CARMIL1: variants seen among roughly 807,000 people sequenced by gnomAD.
CARMIL1 encodes F-actin-uncapping protein LRRC16A.
In CARMIL1, 90 loss-of-function variants were observed where a neutral mutation model predicts 177.1. The observed-to-expected ratio is 0.51, with a 90% CI of 0.43 to 0.61. The LOEUF (loss-of-function observed/expected upper bound fraction) is 0.61, where lower values mean the gene tolerates loss of function less well. Ranked by LOEUF, CARMIL1 falls within the 20% of genes least tolerant of loss-of-function variation. CARMIL1 has a pLI of 0.00. For missense variants in CARMIL1, 1,380 were observed against 1,667.0 expected, an observed-to-expected ratio of 0.83 and a Z score of 3.00; for synonymous variants, 577 against 606.2, an observed-to-expected ratio of 0.95 and a Z score of 0.71.
chr6:25,569,647 A>G (rs757546271), intron 29 of CARMIL1, among the ~76,000 whole-genome samples: 15 of 152,208 alleles, frequency 9.9e-5, no homozygotes, highest in Admixed American at 5.9e-4. Flanking sequence ...AATTTTTGTC[A>G]TCATTATAAA....
chr6:25,523,663 C>T (rs1035433132), intron 23 of CARMIL1, among the ~76,000 whole-genome samples: 17 of 152,144 alleles, frequency 1.1e-4, no homozygotes, highest in African/African-American at 3.6e-4. Flanking sequence ...CTCCCATCCT[C>T]ACAACAACAA....
intron 2 of CARMIL1, among the ~76,000 whole-genome samples, chr6:25,379,981 T>C (rs973895469): frequency 1.3e-5 from 2 of 149,398 alleles, no homozygotes; most frequent in African/African-American, 4.9e-5. Context: ...TTCCTTTTCT[T>C]ACCTCCATGG....
chr6:25,295,916 T>C (rs991083275), intron 2 of CARMIL1, among the ~76,000 whole-genome samples: 7 of 152,232 alleles, frequency 4.6e-5, no homozygotes, highest in African/African-American at 7.2e-5. Flanking sequence ...GTCGTGGGAC[T>C]TTCTTACCTT....
chr6:25,311,233 C>T (rs6921343), intron 2 of CARMIL1, among the ~76,000 whole-genome samples: 31,627 of 151,966 alleles, frequency 0.21, 4,240 homozygotes, highest in East Asian at 0.4. Flanking sequence ...CGCATAAGTA[C>T]CTTTAGTTTT....
intron 23 of CARMIL1, among the ~76,000 whole-genome samples, chr6:25,524,466 C>A (rs901831488): frequency 9.2e-5 from 14 of 152,156 alleles, no homozygotes; most frequent in Non-Finnish European, 2.1e-4. Context: ...TATACAGCTA[C>A]AACAAATACT....
intron 5 of CARMIL1, among the ~76,000 whole-genome samples, chr6:25,445,642 C>T (rs1798160845): frequency 6.6e-6 from 1 of 150,438 alleles, no homozygotes; most frequent in African/African-American, 2.4e-5. Context: ...TCATGCCATT[C>T]TCCTGTCTCA....
chr6:25,279,738 GC>G lies in CARMIL1; in HGVS notation c.-57del, dbSNP rs1780919946. ...AAAAAATTGAGGAGTTCGGGGAAGG[GC>G]AGGGGGCCATAAATCAGAGTTGGAC... On this transcript the variant is annotated 5_prime_UTR_variant, in exon 1 of 37. Transcript: ENST00000329474. 2.0e-5 allele frequency: 31 copies of G among 1,549,470 alleles called. No homozygotes were observed. The highest frequency in any genetic ancestry group is 2.7e-5 in the Non-Finnish European group (30 of 1,121,204).
At chr6:25,459,265 T>TCTTTCTTTCTTTTCTTTCTTTCTTTC (rs1562167771) in intron 8 of CARMIL1, among the ~76,000 whole-genome samples, 1 of 115,294 alleles carries the variant, frequency 8.7e-6, no homozygotes, top group Non-Finnish European at 1.9e-5. Flanking sequence ...TTTCTTTCTT[T>TCTTTCTTTCTTTTCTTTCTTTCTTTC]CTTTTTTTTT....
rs115173880 is a variant in CARMIL1, at chr6:25,390,749, G to A, written c.139-29365G>A. Reference sequence around the variant, plus strand: ...CTGTCAGCCCAGGCTGGAGTGCAGAGGTGTGATCTCGGCTCATTGTCACCT... The same window carrying A: ...CTGTCAGCCCAGGCTGGAGTGCAGAAGTGTGATCTCGGCTCATTGTCACCT... On this transcript the variant is annotated intron_variant, in intron 2 of 36. Coordinates refer to ENST00000329474, the MANE Select transcript of CARMIL1 (RefSeq NM_017640.6). Among the ~76,000 whole-genome samples, 347 of 152,228 alleles carry A rather than the reference G, an allele frequency of 2.3e-3. 2 individuals carry two copies. The highest frequency in any genetic ancestry group is 8.1e-3 in the African/African-American group (337 of 41,524).
chr6:25,304,767 G>A (rs1783135220), intron 2 of CARMIL1, among the ~76,000 whole-genome samples: 1 of 152,180 alleles, frequency 6.6e-6, no homozygotes, highest in Admixed American at 6.5e-5. Context: ...AATTTACAAT[G>A]TTCCCTGCTC....
chr6:25,507,419 ATTC>A (rs1252709425), intron 17 of CARMIL1: 3 of 152,412 alleles, frequency 2.0e-5, no homozygotes, highest in South Asian at 2.1e-4. Flanking sequence ...CTTCTTCTTT[ATTC>A]TTGTTCTGCA....
intron 29 of CARMIL1, among the ~76,000 whole-genome samples, chr6:25,562,115 A>G (rs887049651): frequency 7.9e-5 from 12 of 152,180 alleles, no homozygotes; most frequent in Admixed American, 5.2e-4. Flanking sequence ...AATGCCGGGA[A>G]TGCATGTCCC....
chr6:25,367,961 T>C (rs1790012114), intron 2 of CARMIL1, among the ~76,000 whole-genome samples: 1 of 152,212 alleles, frequency 6.6e-6, no homozygotes, highest in Admixed American at 6.5e-5. Context: ...GGTTTCCCCA[T>C]GTTGGCCAGG....
At chr6:25,378,912 T>C (rs1319571792) in intron 2 of CARMIL1, among the ~76,000 whole-genome samples, 1 of 151,110 alleles carries the variant, frequency 6.6e-6, no homozygotes, top group South Asian at 2.1e-4. Context: ...ACAGGTGTTA[T>C]TGGGTACCTT....
chr6:25,532,578 A>T (rs540843130), intron 24 of CARMIL1, among the ~76,000 whole-genome samples: 1 of 152,336 alleles, frequency 6.6e-6, no homozygotes, highest in South Asian at 2.1e-4. Flanking sequence ...CTCTGTGACT[A>T]ATGCCCTTGC....
intron 4 of CARMIL1, among the ~76,000 whole-genome samples, chr6:25,428,743 T>A (rs1487052639): frequency 6.6e-6 from 1 of 152,216 alleles, no homozygotes; most frequent in Non-Finnish European, 1.5e-5. Context: ...GTCTTACATA[T>A]GTCTAAATTC....
chr6:25,499,714 A>G (rs1804116528), intron 16 of CARMIL1, among the ~76,000 whole-genome samples: 1 of 152,222 alleles, frequency 6.6e-6, no homozygotes, highest in South Asian at 2.1e-4. Flanking sequence ...GTTATACTAC[A>G]GAGCCTGACT....
At chr6:25,315,439 G>A (rs1044684017) in intron 2 of CARMIL1, among the ~76,000 whole-genome samples, 3 of 152,296 alleles carry the variant, frequency 2.0e-5, no homozygotes, top group East Asian at 3.9e-4. Flanking sequence ...CTCTCTCTGC[G>A]GTCTACCCTA....
intron 2 of CARMIL1, among the ~76,000 whole-genome samples, chr6:25,288,708 G>A (rs192966412): frequency 1.8e-4 from 27 of 152,272 alleles, no homozygotes; most frequent in African/African-American, 6.5e-4. Context: ...AGTATCTGCT[G>A]CCTCCATTGA....
Sources: gnomAD v4.1 joint callset for allele counts (sites outside exome capture counted in the v4.1 genomes callset) on GRCh38, gnomAD v4.1.1 for gene constraint, MANE v1.5 for transcripts, NCBI Gene and HGNC (gene_info 2026-07-23, HGNC 2026-07-21) for gene names.